GPC5: variants seen among roughly 807,000 people sequenced by gnomAD.
The protein encoded by GPC5 is glypican 5.
GPC5 carries 47 observed loss-of-function variants against 53.9 expected under a neutral mutation model. That is an observed-to-expected ratio of 0.87 (90% CI 0.69 to 1.11). GPC5 has a LOEUF of 1.11. GPC5 is among the 50% of genes most tolerant of loss of function. GPC5 has a pLI of 0.00. For missense variants in GPC5, 748 were observed against 713.1 expected (o/e 1.05, Z -0.56); for synonymous variants, 286 against 263.3 (o/e 1.09, Z -0.84).
intron 7 of GPC5, among the ~76,000 whole-genome samples, chr13:92,804,925 T>C (rs1877037702): frequency 6.6e-6 from 1 of 152,028 alleles, no homozygotes; most frequent in Admixed American, 6.6e-5. Context: ...CCCACTTTAT[T>C]TTCTCATCCA....
At chr13:92,054,149 GGTGTGTGT>G (rs141324926) in intron 6 of GPC5, among the ~76,000 whole-genome samples, 1,811 of 145,810 alleles carry the variant, frequency 0.012, 36 homozygotes, top group African/African-American at 0.034. Context: ...ACTTTGGAGG[GGTGTGTGT>G]GTGTGTGTGT....
At chr13:92,225,374 G>A (rs1296706451) in intron 7 of GPC5, among the ~76,000 whole-genome samples, 1 of 152,118 alleles carries the variant, frequency 6.6e-6, no homozygotes. Flanking sequence ...TTATGCCTTT[G>A]AGTTCAGTGA....
chr13:92,548,484 A>T (rs1024568636), intron 7 of GPC5, among the ~76,000 whole-genome samples: 8 of 151,868 alleles, frequency 5.3e-5, no homozygotes, highest in South Asian at 2.1e-4. Context: ...GTTTATTTTA[A>T]TAATTGATAG....
chr13:91,662,792 G>C (rs995721831), intron 2 of GPC5, among the ~76,000 whole-genome samples: 6 of 152,044 alleles, frequency 3.9e-5, no homozygotes, highest in African/African-American at 1.4e-4. Flanking sequence ...TCCAAGGAAT[G>C]CTCCATTACT....
chr13:91,688,712 T>A (rs957682126), intron 2 of GPC5, among the ~76,000 whole-genome samples: 2 of 152,142 alleles, frequency 1.3e-5, no homozygotes, highest in Non-Finnish European at 2.9e-5. Flanking sequence ...CTTACACAGA[T>A]CTAGACCTTA....
intron 7 of GPC5, among the ~76,000 whole-genome samples, chr13:92,284,997 C>T (rs570165091): frequency 1.2e-4 from 19 of 152,248 alleles, no homozygotes; most frequent in Middle Eastern, 3.4e-3. Context: ...ATAACCCCAT[C>T]GTCTCAGCCC....
intron 7 of GPC5, among the ~76,000 whole-genome samples, chr13:92,665,558 T>C (rs1438420442): frequency 3.3e-5 from 5 of 152,194 alleles, no homozygotes; most frequent in Non-Finnish European, 5.9e-5. Context: ...GGATTGATTT[T>C]GAGTTCATAA....
chr13:91,764,022 G>GT (rs1196845097), intron 5 of GPC5, among the ~76,000 whole-genome samples: 1 of 152,018 alleles, frequency 6.6e-6, no homozygotes, highest in Non-Finnish European at 1.5e-5. Flanking sequence ...ACTTGGTGTT[G>GT]TTTTTTATTT....
At chr13:91,464,899 A>G (rs180716450) in intron 2 of GPC5, among the ~76,000 whole-genome samples, 5 of 152,278 alleles carry the variant, frequency 3.3e-5, no homozygotes, top group African/African-American at 4.8e-5. Context: ...TTGATACTGT[A>G]CTATAGTTAT....
At chr13:92,348,112 A>T (rs2139262484) in intron 7 of GPC5, among the ~76,000 whole-genome samples, 1 of 147,422 alleles carries the variant, frequency 6.8e-6, no homozygotes, top group Non-Finnish European at 1.5e-5. Context: ...AAATGGTAAC[A>T]GTAAGTCCTT....
At chr13:92,106,968 T>C (rs894964252) in intron 6 of GPC5, among the ~76,000 whole-genome samples, 2 of 152,156 alleles carry the variant, frequency 1.3e-5, no homozygotes, top group African/African-American at 2.4e-5. Context: ...TTTCATGTTA[T>C]GTGCAAACTT....
intron 6 of GPC5, among the ~76,000 whole-genome samples, chr13:92,085,897 C>G (rs1459372301): frequency 6.6e-6 from 1 of 152,192 alleles, no homozygotes; most frequent in African/African-American, 2.4e-5. Context: ...GCCATAAATA[C>G]AGATGAAGCT....
chr13:92,865,722 C>T (rs748378751), intron 7 of GPC5, among the ~76,000 whole-genome samples: 3 of 152,038 alleles, frequency 2.0e-5, no homozygotes, highest in Admixed American at 6.6e-5. Flanking sequence ...TATCATTCCT[C>T]CTGGTATACT....
chr13:91,660,466 T>C (rs992282428), intron 2 of GPC5, among the ~76,000 whole-genome samples: 2 of 152,208 alleles, frequency 1.3e-5, no homozygotes, highest in African/African-American at 4.8e-5. Context: ...AGCTTGGAGA[T>C]GACTGCATTC....
At chr13:92,136,928 A>T (rs533574243) in intron 6 of GPC5, among the ~76,000 whole-genome samples, 104 of 152,388 alleles carry the variant, frequency 6.8e-4, no homozygotes, top group African/African-American at 2.4e-3. Flanking sequence ...TCTCCAAGAT[A>T]GCATCCCTAA....
At chr13:92,334,951 C>T (rs1426976105) in intron 7 of GPC5, among the ~76,000 whole-genome samples, 1 of 152,092 alleles carries the variant, frequency 6.6e-6, no homozygotes, top group Non-Finnish European at 1.5e-5. Flanking sequence ...CGCTGAGTGT[C>T]TGTGGCTTTT....
chr13:91,873,634 C>A (rs1337863885), intron 5 of GPC5, among the ~76,000 whole-genome samples: 1 of 152,104 alleles, frequency 6.6e-6, no homozygotes, highest in Non-Finnish European at 1.5e-5. Flanking sequence ...AACTGTGAGA[C>A]CTTTAAACCT....
intron 7 of GPC5, among the ~76,000 whole-genome samples, chr13:92,157,478 T>C (rs903805252): frequency 6.6e-6 from 1 of 152,180 alleles, no homozygotes; most frequent in African/African-American, 2.4e-5. Context: ...GGTTCTGTCT[T>C]GATGACTACA....
intron 7 of GPC5, among the ~76,000 whole-genome samples, chr13:92,228,190 T>G (rs1474256809): frequency 7.6e-6 from 1 of 131,904 alleles, no homozygotes; most frequent in Non-Finnish European, 1.6e-5. Flanking sequence ...GCACACTTGG[T>G]GTAACTTTTG....
Sources: allele counts gnomAD v4.1 joint callset (sites outside exome capture counted in the v4.1 genomes callset), GRCh38; gene constraint gnomAD v4.1.1; transcripts MANE v1.5; gene names NCBI Gene and HGNC (gene_info 2026-07-23, HGNC 2026-07-21).